CCDC30: variants seen among roughly 807,000 people sequenced by gnomAD.
CCDC30 encodes the protein coiled-coil domain containing 30.
CCDC30 carries 70 observed loss-of-function variants against 100.2 expected under a neutral mutation model. The ratio of observed to expected loss-of-function variants is 0.70; its 90% CI spans 0.58 to 0.85. The LOEUF (loss-of-function observed/expected upper bound fraction) is 0.85, where lower values mean the gene tolerates loss of function less well. Among genes scored for constraint, CCDC30 ranks in the 40% least tolerant of loss-of-function variants. The pLI is 0.00. For synonymous variants in CCDC30, 233 were observed against 269.5 expected (o/e 0.86, Z 1.33); for missense variants, 652 against 771.2 (o/e 0.85, Z 1.83).
At chr1:42,546,618 A>G (rs1645150088) in intron 6 of CCDC30, among the ~76,000 whole-genome samples, 1 of 151,536 alleles carries the variant, frequency 6.6e-6, no homozygotes, top group Non-Finnish European at 1.5e-5. Flanking sequence ...ATATTTTTAC[A>G]TAATTATGAC....
Position 42,498,932 on chromosome 1 carries a change from G to A in CCDC30, c.456+16G>A. On this transcript the variant is annotated intron_variant, in intron 6 of 16. Transcript: ENST00000668663. ...GAGAGAACAGGTATTGTATTTTAAAGTTCTGTTCTTTCTGATCTCTAATTT... is the reference window on the plus strand; with the variant it reads ...GAGAGAACAGGTATTGTATTTTAAAATTCTGTTCTTTCTGATCTCTAATTT... 2.5e-6 allele frequency: 3 copies of A among 1,203,768 alleles called. No homozygotes were observed. The highest frequency in any genetic ancestry group is 2.1e-4 in the Middle Eastern group (1 of 4,784). 74.6% of individuals were successfully genotyped at this position (1,203,768 alleles called of 1,614,324 possible).
intron 10 of CCDC30, among the ~76,000 whole-genome samples, chr1:42,608,368 G>A (rs1646546384): frequency 6.6e-6 from 1 of 152,202 alleles, no homozygotes; most frequent in Non-Finnish European, 1.5e-5. Context: ...CAAGTGACAG[G>A]CACGGACATG....
chr1:42,499,090 T>C (rs1644269131), intron 6 of CCDC30, among the ~76,000 whole-genome samples, 174 bp downstream of exon 6: 1 of 152,192 alleles, frequency 6.6e-6, no homozygotes, highest in African/African-American at 2.4e-5. Context: ...GAGGATGTGT[T>C]TCTGTTTACT....
At chr1:42,656,054 G>A (rs955836169), downstream of CCDC30, among the ~76,000 whole-genome samples, 12 of 151,528 alleles carry the variant, frequency 7.9e-5, no homozygotes, top group African/African-American at 2.9e-4. Flanking sequence ...TTGTAAAGAC[G>A]AGGTCTCACT....
At chr1:42,607,656 A>G (rs12024615) in intron 10 of CCDC30, among the ~76,000 whole-genome samples, 30,233 of 139,142 alleles carry the variant, frequency 0.22, 3,319 homozygotes, top group South Asian at 0.44. Context: ...CTGTTCTGGG[A>G]AAAAAAAAAA....
upstream of CCDC30, chr1:42,459,670 T>C (rs1643352124): frequency 6.2e-7 from 1 of 1,614,210 alleles, no homozygotes; most frequent in Non-Finnish European, 8.5e-7. Flanking sequence ...AAAGCATTTA[T>C]AATTTCCTTT....
intron 6 of CCDC30, among the ~76,000 whole-genome samples, chr1:42,509,916 C>T: frequency 6.6e-6 from 1 of 151,814 alleles, no homozygotes; most frequent in Non-Finnish European, 1.5e-5. Context: ...GCCAGTATGT[C>T]AAGCTTCTGG....
At chr1:42,520,543 G>GTGAAA (rs1644622940) in intron 6 of CCDC30, among the ~76,000 whole-genome samples, 1 of 150,602 alleles carries the variant, frequency 6.6e-6, no homozygotes, top group Non-Finnish European at 1.5e-5. Flanking sequence ...TGTTGGTCAG[G>GTGAAA]CTGGTCTCAA....
At chr1:42,456,490 C>G in the CCDC30 span, 3 of 1,394,174 alleles carry the variant, frequency 2.2e-6, no homozygotes, top group Non-Finnish European at 2.8e-6. Flanking sequence ...CGGCGCGGCG[C>G]GTACACCAGG....
intron 10 of CCDC30, among the ~76,000 whole-genome samples, chr1:42,610,388 A>G (rs541930656): frequency 2.6e-5 from 4 of 151,668 alleles, no homozygotes; most frequent in Non-Finnish European, 4.4e-5. Context: ...CTTTCACTTT[A>G]TATACTTTAA....
At chr1:42,486,931 C>A (rs943367121) in intron 3 of CCDC30, among the ~76,000 whole-genome samples, 1 of 151,928 alleles carries the variant, frequency 6.6e-6, no homozygotes, top group Non-Finnish European at 1.5e-5. Flanking sequence ...TTGTGTGATT[C>A]CATTTAGATG....
At position 42,580,881 on chromosome 1, in the gene CCDC30, A is replaced by G. The variant is rs143082314; in HGVS notation, c.847-479A>G. ...TGTGGAGAAACTAGGTGCACTCACA[A>G]TGCTGTTGGGAGTATAAATTGGTCT... On this transcript the variant is annotated intron_variant, in intron 8 of 16. Transcript: ENST00000668663. 5.3e-4 allele frequency: 243 copies of G among 456,148 alleles called. 1 individual carries two copies. The highest frequency in any genetic ancestry group is 4.6e-3 in the African/African-American group (231 of 50,178). The allele number at this position is 456,148 out of a possible 1,614,324, so 28.3% of individuals were successfully genotyped here.
chr1:42,616,358 AG>A (rs1303291608), intron 11 of CCDC30, among the ~76,000 whole-genome samples: 1 of 152,240 alleles, frequency 6.6e-6, no homozygotes, highest in Non-Finnish European at 1.5e-5. Context: ...CTGTGGGCAC[AG>A]GGTCTGTGGA....
the CCDC30 span, among the ~76,000 whole-genome samples, chr1:42,457,876 A>C: frequency 6.6e-6 from 1 of 151,820 alleles, no homozygotes; most frequent in South Asian, 2.1e-4. Flanking sequence ...AATCGCTTGA[A>C]ACCAGGAGGC....
intron 6 of CCDC30, among the ~76,000 whole-genome samples, chr1:42,511,069 A>G (rs1644470720): frequency 6.6e-6 from 1 of 152,056 alleles, no homozygotes; most frequent in Admixed American, 6.6e-5. Flanking sequence ...CGTCCCTTTA[A>G]TCCTATTCCT....
chr1:42,459,523 A>C (rs1643345967), upstream of CCDC30: 4 of 1,201,348 alleles, frequency 3.3e-6, no homozygotes, highest in Admixed American at 2.3e-5. Context: ...ACTTAAATTT[A>C]ATTCCTTAGT....
intron 6 of CCDC30, among the ~76,000 whole-genome samples, chr1:42,559,584 G>A (rs1311078204): frequency 2.0e-5 from 3 of 152,194 alleles, no homozygotes; most frequent in Non-Finnish European, 4.4e-5. Flanking sequence ...AATTCAACAA[G>A]AAGAGCTAAC....
At chr1:42,484,520 C>T (rs771603232) in intron 3 of CCDC30, among the ~76,000 whole-genome samples, 6 of 152,132 alleles carry the variant, frequency 3.9e-5, no homozygotes, top group African/African-American at 7.2e-5. Context: ...AAATCCCAGA[C>T]GTATCAACTG....
chr1:42,517,813 G>A (rs925029681), intron 6 of CCDC30, among the ~76,000 whole-genome samples: 1 of 152,126 alleles, frequency 6.6e-6, no homozygotes, highest in Non-Finnish European at 1.5e-5. Context: ...GATGTCTATT[G>A]TATTCCCTTG....
Sources: gnomAD v4.1 joint callset for allele counts (sites outside exome capture counted in the v4.1 genomes callset) on GRCh38, gnomAD v4.1.1 for gene constraint, MANE v1.5 for transcripts, NCBI Gene and HGNC (gene_info 2026-07-23, HGNC 2026-07-21) for gene names.